Variants in SMARCC1 observed in about 807,000 individuals in gnomAD.
SMARCC1 encodes the protein SWI/SNF complex subunit SMARCC1.
Under a neutral mutation model 147.4 loss-of-function variants are expected in SMARCC1, and 43 were observed. The ratio of observed to expected loss-of-function variants is 0.29; its 90% CI spans 0.23 to 0.38. The LOEUF (loss-of-function observed/expected upper bound fraction) is 0.38. Among genes scored for constraint, SMARCC1 ranks in the 10% least tolerant of loss-of-function variants. The pLI is 1.00. For synonymous variants in SMARCC1, 495 were observed against 484.4 expected, an observed-to-expected ratio of 1.02 and a Z score of -0.29; for missense variants, 1,119 against 1,381.1, an observed-to-expected ratio of 0.81 and a Z score of 3.01.
At chr3:47,757,506 G>A (rs1417168622) in intron 2 of SMARCC1, among the ~76,000 whole-genome samples, 1 of 152,114 alleles carries the variant, frequency 6.6e-6, no homozygotes, top group African/African-American at 2.4e-5. Flanking sequence ...GCCAGGTGTG[G>A]TGGCTCATGC....
chr3:47,610,410 C>T (rs2032548416), intron 25 of SMARCC1, 83 bp from the exon 26 acceptor site: 1 of 1,422,846 alleles, frequency 7.0e-7, no homozygotes, highest in Non-Finnish European at 9.8e-7. Context: ...TACATAATGC[C>T]TGAATTACCT....
At chr3:47,725,451 TA>T (rs1360843816) in intron 6 of SMARCC1, among the ~76,000 whole-genome samples, 2 of 151,646 alleles carry the variant, frequency 1.3e-5, no homozygotes, top group Non-Finnish European at 2.9e-5. Flanking sequence ...ATTATTATTA[TA>T]TATATATATT....
intron 2 of SMARCC1, among the ~76,000 whole-genome samples, chr3:47,765,769 G>A (rs2106867604): frequency 6.7e-6 from 1 of 148,896 alleles, no homozygotes; most frequent in East Asian, 2.0e-4. Flanking sequence ...GTCTCACTCT[G>A]TCGCCCAGGC....
At chr3:47,615,696 T>C (rs2032631769) in intron 25 of SMARCC1, among the ~76,000 whole-genome samples, 1 of 152,226 alleles carries the variant, frequency 6.6e-6, no homozygotes, top group Non-Finnish European at 1.5e-5. Flanking sequence ...TTCTTTTCTT[T>C]TTTTAAGACA....
intron 26 of SMARCC1, among the ~76,000 whole-genome samples, chr3:47,592,994 A>T (rs532857155): frequency 1.3e-5 from 2 of 150,748 alleles, no homozygotes; most frequent in Admixed American, 6.6e-5. Flanking sequence ...TCTTTTTTTT[A>T]TTTTTTATTT....
intron 9 of SMARCC1, among the ~76,000 whole-genome samples, chr3:47,710,010 AAC>A: frequency 6.6e-6 from 1 of 152,292 alleles, no homozygotes; most frequent in East Asian, 1.9e-4. Context: ...TCTGTGGATT[AAC>A]AGTTATTTAA....
At chr3:47,777,631 G>A (rs1353591985) in intron 1 of SMARCC1, among the ~76,000 whole-genome samples, 1 of 151,886 alleles carries the variant, frequency 6.6e-6, no homozygotes, top group Non-Finnish European at 1.5e-5. Context: ...AGGTTTGAGT[G>A]ATTCTCCTGC....
At chr3:47,666,802 G>A (rs560061836) in intron 19 of SMARCC1, among the ~76,000 whole-genome samples, 16 of 152,074 alleles carry the variant, frequency 1.1e-4, no homozygotes, top group Admixed American at 2.6e-4. Context: ...GTGGCCCAGG[G>A]AAGCCAAAGA....
In SMARCC1 at chr3:47,586,043, T is replaced by C. The variant is rs901859989; in HGVS notation, c.*2166A>G. The C allele has an allele frequency of 6.7e-6, 1 of 148,760 alleles. No homozygotes were observed. The highest frequency in any genetic ancestry group is 2.0e-4 in the East Asian group (1 of 5,094). 9.2% of individuals were successfully genotyped at this position (148,760 alleles called of 1,614,324 possible). The stretch of plus-strand genomic sequence containing the variant: ...TGTTTGTACAAAAACCACATATTAT[T>C]CCCCCCCCTCACAAAATCAGGTGGC... On this transcript the variant is annotated 3_prime_UTR_variant, in exon 28 of 28. Coordinates refer to ENST00000254480, the MANE Select transcript of SMARCC1 (RefSeq NM_003074.4).
chr3:47,723,784 C>T (rs2034265368), intron 6 of SMARCC1, among the ~76,000 whole-genome samples: 1 of 151,554 alleles, frequency 6.6e-6, no homozygotes, highest in African/African-American at 2.4e-5. Flanking sequence ...CACTTTAGGC[C>T]TGGGCAACAA....
At chr3:47,610,390 A>G (rs2032547995) in intron 25 of SMARCC1, 63 bp from the exon 26 acceptor site, 1 of 1,567,482 alleles carries the variant, frequency 6.4e-7, no homozygotes, top group Non-Finnish European at 8.8e-7. Flanking sequence ...TGGATAACAC[A>G]AAGGACAACT....
intron 2 of SMARCC1, chr3:47,746,543 TG>T (rs930714502): frequency 6.6e-6 from 1 of 152,082 alleles, no homozygotes; most frequent in African/African-American, 2.4e-5. Context: ...GAGGCTGAGA[TG>T]AAAGAATCAC....
At chr3:47,704,153 A>G (rs2033961976) in intron 10 of SMARCC1, among the ~76,000 whole-genome samples, 1 of 152,114 alleles carries the variant, frequency 6.6e-6, no homozygotes, top group Non-Finnish European at 1.5e-5. Context: ...AAGAGGGCCA[A>G]GCAGGCAACT....
At chr3:47,592,820 T>G (rs1296393061) in intron 26 of SMARCC1, among the ~76,000 whole-genome samples, 2 of 89,318 alleles carry the variant, frequency 2.2e-5, no homozygotes, top group Non-Finnish European at 5.7e-5. Context: ...GCTGGTAGTC[T>G]TGTTTTTTTT....
At chr3:47,715,574 A>C (rs1022371200) in intron 7 of SMARCC1, among the ~76,000 whole-genome samples, 2 of 152,154 alleles carry the variant, frequency 1.3e-5, no homozygotes, top group African/African-American at 4.8e-5. Context: ...TTGGTCTCTC[A>C]AAGAGTTAAT....
In SMARCC1 at chr3:47,706,415, T is replaced by C. The variant is rs2033995156; in HGVS notation, c.1034A>G (p.Lys345Arg). 6.4e-7 allele frequency: 1 copy of C among 1,566,974 alleles called. No homozygotes were observed. Among genetic ancestry groups the C allele is most frequent in the Non-Finnish European group, 8.6e-7 (1 of 1,162,096 alleles). The change falls in exon 10 of 28, where the codon AAG becomes AGG. Residue 345 changes from lysine (K) to arginine (R), a missense_variant. Lys to Arg is a conservative substitution (Grantham distance 26, BLOSUM62 2). Around this residue, in one of 6 missense-constraint regions of SMARCC1, gnomAD observed 542 missense variants for 611.8 expected, o/e 0.89. Coordinates refer to ENST00000254480, the MANE Select transcript of SMARCC1 (RefSeq NM_003074.4). ...TPTESRKKSG[K>R]KGQASLYGKR... ...ATCATGTAATAGTTCTTACCCTTTC[T>C]TCCCACTCTTCTTCCGTGATTCTGT... is the stretch of plus-strand genomic sequence containing the variant.
rs2032161952 is a variant in SMARCC1 at position 47,590,661 on chromosome 3, A to G, written c.3220T>C (p.Tyr1074His). Residue 1074 changes from tyrosine to histidine, a missense_variant and splice_region_variant, in exon 27 of 28, where the codon TAT becomes CAT. Tyr to His is a moderately conservative substitution (Grantham distance 83, BLOSUM62 2). Transcript: ENST00000254480. ...RVPLTAPNGM[Y>H]PPPPQQQPPP... is the part of the protein sequence containing the mutation. ...TGCATCCCCCCTCCATGTTACTTAC[A>G]CATGCCGTTAGGTGCTGTCAGGGGT... The G allele has an allele frequency of 2.0e-6, 3 of 1,524,060 alleles. No homozygotes were observed. The South Asian group carries it at 3.9e-5, about 20-fold the overall frequency. 94.4% of individuals were successfully genotyped at this position (1,524,060 alleles called of 1,614,324 possible).
intron 6 of SMARCC1, among the ~76,000 whole-genome samples, chr3:47,727,466 G>A (rs557273785): frequency 1.3e-5 from 2 of 152,016 alleles, no homozygotes; most frequent in South Asian, 4.2e-4. Context: ...GAGATCACAT[G>A]ACTACACTCT....
intron 14 of SMARCC1, among the ~76,000 whole-genome samples, chr3:47,684,695 G>A (rs967814755): frequency 5.9e-5 from 9 of 151,908 alleles, no homozygotes; most frequent in African/African-American, 1.9e-4. Context: ...TGCCCACCTC[G>A]GCCTCCCAAA....
Sources: allele counts gnomAD v4.1 joint callset (sites outside exome capture counted in the v4.1 genomes callset), GRCh38; gene constraint gnomAD v4.1.1; regional missense constraint gnomAD v4.1.1; transcripts MANE v1.5; gene names NCBI Gene and HGNC (gene_info 2026-07-23, HGNC 2026-07-21).